CFAP299: variants seen among roughly 807,000 people sequenced by gnomAD.
CFAP299 encodes the protein cilia- and flagella-associated protein 299.
In CFAP299, 21 loss-of-function variants were observed where a neutral mutation model predicts 27.0. That is an observed-to-expected ratio of 0.78 (90% confidence interval 0.55 to 1.12). The LOEUF (loss-of-function observed/expected upper bound fraction) is 1.12. CFAP299 is among the 50% of genes most tolerant of loss of function. The probability of loss-of-function intolerance (pLI) is 0.00; values close to 1 mark genes in which losing one functional copy is unlikely to be tolerated. For missense variants in CFAP299, 310 were observed against 276.6 expected (o/e 1.12, Z -0.86); for synonymous variants, 104 against 98.1 (o/e 1.06, Z -0.36).
At chr4:80,455,389 C>T (rs373217638) in intron 2 of CFAP299, among the ~76,000 whole-genome samples, 6 of 152,272 alleles carry the variant, frequency 3.9e-5, no homozygotes, top group East Asian at 3.9e-4. Flanking sequence ...GGCAGTTTCA[C>T]GGGCACAAAT....
At chr4:80,606,158 A>G (rs899225103) in intron 3 of CFAP299, among the ~76,000 whole-genome samples, 1 of 152,226 alleles carries the variant, frequency 6.6e-6, no homozygotes, top group East Asian at 1.9e-4. Flanking sequence ...TGAAAACCTC[A>G]TTCTCCAATC....
chr4:80,835,588 T>A (rs1263243601), intron 3 of CFAP299, among the ~76,000 whole-genome samples: 5 of 152,174 alleles, frequency 3.3e-5, no homozygotes, highest in Admixed American at 3.3e-4. Flanking sequence ...ATGAGTGTCC[T>A]CTTATGTTGT....
intron 2 of CFAP299, among the ~76,000 whole-genome samples, chr4:80,409,579 A>C (rs975923479): frequency 6.6e-6 from 1 of 152,210 alleles, no homozygotes; most frequent in African/African-American, 2.4e-5. Context: ...TTAAAATGTC[A>C]TCAAGATGTA....
chr4:80,390,541 ACACACATATATGTATATATGTATATATG>A (rs1224623189), intron 2 of CFAP299, among the ~76,000 whole-genome samples: 20 of 57,344 alleles, frequency 3.5e-4, no homozygotes, highest in East Asian at 1.2e-3. Flanking sequence ...ATATATGTAT[ACACACATATATGTATATATGTATATATG>A]TATACACACA....
chr4:80,781,439 A>G (rs1726872114), intron 3 of CFAP299, among the ~76,000 whole-genome samples: 1 of 152,116 alleles, frequency 6.6e-6, no homozygotes, highest in Admixed American at 6.6e-5. Flanking sequence ...ATATTCTACA[A>G]GAGTAAATTA....
At chr4:80,719,649 C>A (rs1174899170) in intron 3 of CFAP299, among the ~76,000 whole-genome samples, 2 of 152,174 alleles carry the variant, frequency 1.3e-5, no homozygotes, top group African/African-American at 4.8e-5. Flanking sequence ...AGTTTTCCTG[C>A]CTAGGCTGCC....
chr4:80,861,445 C>T (rs1403613110), intron 3 of CFAP299, among the ~76,000 whole-genome samples: 1 of 152,138 alleles, frequency 6.6e-6, no homozygotes, highest in East Asian at 1.9e-4. Flanking sequence ...CTGGCACTCC[C>T]TAGTGAGATG....
intron 3 of CFAP299, among the ~76,000 whole-genome samples, chr4:80,727,018 G>A (rs1200668168): frequency 6.6e-6 from 1 of 151,760 alleles, no homozygotes; most frequent in East Asian, 1.9e-4. Context: ...CAGCATTCCA[G>A]CAAAAATAAA....
At position 80,827,911 on chromosome 4, in the gene CFAP299, C is replaced by A. The variant is rs532246575; in HGVS notation, c.334-42082C>A. On this transcript the variant is annotated intron_variant, in intron 3 of 5. Coordinates refer to ENST00000358105, the MANE Select transcript of CFAP299 (RefSeq NM_152770.3). ...TGCATTTCTGTACATGAACACTGAG[C>A]AATCTGCAAAGGAAATTAAGACAAT... Among the ~76,000 whole-genome samples, 31 of 152,044 alleles carry A rather than the reference C, an allele frequency of 2.0e-4. No individual in the cohort carries two copies. The South Asian group carries it at 6.2e-3, about 31-fold the overall frequency.
intron 2 of CFAP299, among the ~76,000 whole-genome samples, chr4:80,511,193 C>A (rs1301294782): frequency 6.6e-6 from 1 of 152,056 alleles, no homozygotes; most frequent in African/African-American, 2.4e-5. Context: ...TTCTTTATGC[C>A]TCCCCTTATC....
In CFAP299 at chr4:80,957,121, A is replaced by G. The variant is rs1738109852; in HGVS notation, c.607-6396A>G. ...TGGGATTTGGTAGAATAAGGTTAGA[A>G]TCTTCTTGTTTTGTTTCATCAGTTA... is the stretch of plus-strand genomic sequence containing the variant. On this transcript the variant is annotated intron_variant, in intron 5 of 5. Coordinates refer to ENST00000358105, the MANE Select transcript of CFAP299 (RefSeq NM_152770.3). Among the ~76,000 whole-genome samples the G allele has an allele frequency of 2.0e-5, 3 of 152,280 alleles. No homozygotes were observed. In the South Asian group the frequency reaches 6.2e-4, roughly 32 times the overall value.
intron 4 of CFAP299, among the ~76,000 whole-genome samples, chr4:80,931,748 G>A (rs1052168730): frequency 5.3e-5 from 8 of 151,162 alleles, no homozygotes; most frequent in Non-Finnish European, 8.9e-5. Context: ...ACGCACACAC[G>A]CACACACACA....
In CFAP299 at chr4:80,693,699, T is replaced by TA. The variant is rs879548224; in HGVS notation, c.333+110528dup. 3.1e-3 allele frequency among the ~76,000 whole-genome samples: 450 copies of TA among 143,262 alleles called. 4 individuals carry two copies. The highest frequency in any genetic ancestry group is 4.6e-3 in the Non-Finnish European group (298 of 64,850). 94.0% of individuals were successfully genotyped at this position (143,262 alleles called of 152,430 possible). A position where few individuals can be genotyped will look rare whatever the true frequency, so the allele number is the denominator to read the frequency against. On this transcript the variant is annotated intron_variant, in intron 3 of 5. Coordinates refer to ENST00000358105, the MANE Select transcript of CFAP299 (RefSeq NM_152770.3). The stretch of plus-strand genomic sequence containing the variant: ...TAAAACTTAAAGTATAATAATAATT[T>TA]AAAAAAAAAAAAGAAAGAACTGGCA...
At chr4:80,328,255 C>T in the CFAP299 span, among the ~76,000 whole-genome samples, 2 of 152,032 alleles carry the variant, frequency 1.3e-5, no homozygotes, top group African/African-American at 4.8e-5. Flanking sequence ...CAAAGGAGCT[C>T]ACTTGTTTTA....
intron 2 of CFAP299, among the ~76,000 whole-genome samples, chr4:80,427,521 A>G (rs1727585789): frequency 6.6e-6 from 1 of 152,220 alleles, no homozygotes; most frequent in Admixed American, 6.5e-5. Flanking sequence ...TCAGGTTTCA[A>G]TAAATGACAT....
intron 3 of CFAP299, among the ~76,000 whole-genome samples, chr4:80,767,777 C>T (rs1725977791): frequency 6.6e-6 from 1 of 152,180 alleles, no homozygotes; most frequent in South Asian, 2.1e-4. Context: ...TTTCTTCTAA[C>T]TTTCATCACC....
chr4:80,439,707 C>T (rs1728260658), intron 2 of CFAP299, among the ~76,000 whole-genome samples: 1 of 152,128 alleles, frequency 6.6e-6, no homozygotes, highest in Non-Finnish European at 1.5e-5. Flanking sequence ...ATTCATTCCC[C>T]TGGAAAGGGG....
In CFAP299 at chr4:80,929,229, T is replaced by C. The variant is rs894248212; in HGVS notation, c.477-15581T>C. Among the ~76,000 whole-genome samples the C allele has an allele frequency of 2.0e-5, 3 of 152,040 alleles. No individual in the cohort carries two copies. The East Asian group carries it at 5.8e-4, about 29-fold the overall frequency. ...GGCACCATTATCCATCCAGTCTCTATAGCACCACTATCTATCCAATCTCTA... is the reference window on the plus strand; with the variant it reads ...GGCACCATTATCCATCCAGTCTCTACAGCACCACTATCTATCCAATCTCTA... On this transcript the variant is annotated intron_variant, in intron 4 of 5. Coordinates refer to ENST00000358105, the MANE Select transcript of CFAP299 (RefSeq NM_152770.3).
At chr4:80,630,542 TTA>T (rs1462942818) in intron 3 of CFAP299, among the ~76,000 whole-genome samples, 1 of 152,062 alleles carries the variant, frequency 6.6e-6, no homozygotes, top group Admixed American at 6.5e-5. Context: ...TTATGAAACA[TTA>T]TGTTTTTATA....
Sources: allele counts gnomAD v4.1 joint callset (sites outside exome capture counted in the v4.1 genomes callset), GRCh38; gene constraint gnomAD v4.1.1; transcripts MANE v1.5; gene names NCBI Gene and HGNC (gene_info 2026-07-23, HGNC 2026-07-21).